BMX: variants seen among roughly 807,000 people sequenced by gnomAD.
BMX encodes cytoplasmic tyrosine-protein kinase BMX.
A neutral mutation model predicts 59.2 loss-of-function variants in BMX; 31 were observed. That is an observed-to-expected ratio of 0.52 (90% CI 0.39 to 0.71). BMX has a LOEUF of 0.71. BMX is among the 30% of genes least tolerant of loss of function. The probability of loss-of-function intolerance (pLI) is 0.00; values close to 1 mark genes in which losing one functional copy is unlikely to be tolerated. For missense variants in BMX, 474 were observed against 491.7 expected, an observed-to-expected ratio of 0.96 and a Z score of 0.34; for synonymous variants, 185 against 181.0, an observed-to-expected ratio of 1.02 and a Z score of -0.18.
At chrX:15,515,326 A>C (rs1468949081) in intron 4 of BMX, among the ~76,000 whole-genome samples, 8 of 110,431 alleles carry the variant, frequency 7.2e-5, no homozygotes, top group African/African-American at 2.3e-4. Context: ...AATAAAAATT[A>C]AAAAATTTTA....
intron 18 of BMX, among the ~76,000 whole-genome samples, chrX:15,554,394 T>C (rs1926331546): frequency 8.9e-6 from 1 of 111,831 alleles, no homozygotes; most frequent in Admixed American, 9.5e-5. Flanking sequence ...TTTTTAAGGG[T>C]CATTTTGTGT....
At chrX:15,547,481 A>G (rs1194316740) in intron 17 of BMX, among the ~76,000 whole-genome samples, 2 of 112,266 alleles carry the variant, frequency 1.8e-5, no homozygotes, top group East Asian at 5.6e-4. Flanking sequence ...AGTTTCAAGT[A>G]GTCTCCTCTC....
At chrX:15,527,582 C>T (rs1924857424) in intron 9 of BMX, among the ~76,000 whole-genome samples, 1 of 111,535 alleles carries the variant, frequency 9.0e-6, no homozygotes, top group Non-Finnish European at 1.9e-5. Context: ...CCAAATGGCA[C>T]AGAATTCACT....
chrX:15,542,510 A>G (rs1340867138), intron 15 of BMX, among the ~76,000 whole-genome samples: 1 of 111,070 alleles, frequency 9.0e-6, no homozygotes, highest in African/African-American at 3.3e-5. Context: ...ATTGACCTTC[A>G]TTTCAGGAAG....
intron 18 of BMX, among the ~76,000 whole-genome samples, chrX:15,554,397 T>G (rs190229697): frequency 8.9e-6 from 1 of 111,947 alleles, no homozygotes; most frequent in Non-Finnish European, 1.9e-5. Context: ...TTAAGGGTCA[T>G]TTTGTGTCTT....
At chrX:15,528,829 T>C (rs981757454) in intron 9 of BMX, among the ~76,000 whole-genome samples, 1 of 112,210 alleles carries the variant, frequency 8.9e-6, no homozygotes, top group Non-Finnish European at 1.9e-5. Flanking sequence ...TTATATCACC[T>C]TGCCTCTCCA....
rs1176711818 is a variant in BMX at position 15,537,252 on chromosome X, C to T, written c.1341C>T (p.Ile447=). ...KGQYDVAVKM[I]KEGSMSEDEF... is the part of the protein sequence containing the mutation. ...AGTATGATGTTGCTGTTAAGATGAT[C>T]AAGGAGGGCTCCATGTCAGAAGATG... Residue 447 remains isoleucine, a synonymous_variant, in exon 14 of 19, where the codon ATC becomes ATT. Coordinates refer to ENST00000348343, the MANE Select transcript of BMX (RefSeq NM_203281.3). 8.3e-7 allele frequency: 1 copy of T among 1,210,092 alleles called. No homozygotes were observed. The highest frequency in any genetic ancestry group is 2.3e-4 in the Middle Eastern group (1 of 4,337).
At chrX:15,507,238 C>T in intron 1 of BMX, 1 of 581,676 alleles carries the variant, frequency 1.7e-6, no homozygotes, top group Non-Finnish European at 2.1e-6. Flanking sequence ...TGTGTGGGTG[C>T]TTCCTGATCA....
intron 18 of BMX, among the ~76,000 whole-genome samples, chrX:15,550,446 A>T (rs1926139050): frequency 9.0e-6 from 1 of 110,724 alleles, no homozygotes; most frequent in Non-Finnish European, 1.9e-5. Context: ...CACGTAGAGA[A>T]CACATAATGG....
intron 11 of BMX, among the ~76,000 whole-genome samples, chrX:15,533,342 T>A (rs779614649): frequency 6.3e-5 from 7 of 111,695 alleles, no homozygotes; most frequent in Non-Finnish European, 1.1e-4. Context: ...TTCTCCCTCC[T>A]CCCACCCTCC....
intron 7 of BMX, among the ~76,000 whole-genome samples, chrX:15,524,829 G>A (rs911242376): frequency 8.9e-6 from 1 of 112,021 alleles, no homozygotes; most frequent in African/African-American, 3.2e-5. Context: ...ATGATCTATG[G>A]CAGAGGATGA....
chrX:15,553,397 C>G (rs1033200029), intron 18 of BMX, among the ~76,000 whole-genome samples: 1 of 111,706 alleles, frequency 9.0e-6, no homozygotes, highest in Non-Finnish European at 1.9e-5. Context: ...TGCTGTTTCG[C>G]TATTTGTCCT....
intron 7 of BMX, 33 bp from the exon 8 acceptor site, chrX:15,525,255 T>C: frequency 2.6e-6 from 3 of 1,173,085 alleles, no homozygotes; most frequent in Non-Finnish European, 3.5e-6. Flanking sequence ...TAGACATATG[T>C]TTATAAACTT....
In BMX at chrX:15,543,204, T is replaced by G. The variant is rs1037336388; in HGVS notation, c.1676+69T>G. ...ATTCACATTTGAACACCATCATAAT[T>G]GAAGGCTTTGTGGGGATATAGAAGG... On this transcript the variant is annotated intron_variant, in intron 16 of 18. Coordinates refer to ENST00000348343, the MANE Select transcript of BMX (RefSeq NM_203281.3). 7.6e-6 allele frequency: 8 copies of G among 1,053,820 alleles called. No homozygotes were observed. In the South Asian group the frequency reaches 1.6e-4, roughly 22 times the overall value. The allele number at this position is 1,053,820 out of a possible 1,213,427, so 86.8% of individuals were successfully genotyped here.
At chrX:15,511,344 A>G (rs1316845034) in intron 3 of BMX, 93 bp from the exon 4 acceptor site, 3 of 698,924 alleles carry the variant, frequency 4.3e-6, no homozygotes, top group Non-Finnish European at 6.4e-6. Flanking sequence ...AAGCAAACTC[A>G]AGGTTTCTTT....
rs866297850 is a variant in BMX, at chrX:15,527,301, C to T, written c.884+1206C>T. 9.0e-3 allele frequency among the ~76,000 whole-genome samples: 818 copies of T among 91,118 alleles called. 17 individuals carry two copies. The highest frequency in any genetic ancestry group is 0.033 in the African/African-American group (768 of 23,037). The allele number at this position is 91,118 out of a possible 115,157, so 79.1% of individuals were successfully genotyped here. A position where few individuals can be genotyped will look rare whatever the true frequency, so the allele number is the denominator to read the frequency against. Reference sequence around the variant, plus strand: ...ATATATATACACACACACACACACACATATATATATACCTGCTATGTACTC... The same window carrying T: ...ATATATATACACACACACACACACATATATATATATACCTGCTATGTACTC... On this transcript the variant is annotated intron_variant, in intron 9 of 18. Transcript: ENST00000348343.
At chrX:15,507,226 C>T in intron 1 of BMX, 1 of 490,077 alleles carries the variant, frequency 2.0e-6, no homozygotes, top group Non-Finnish European at 2.5e-6. Context: ...CAGAGCAATG[C>T]CTGTGTGGGT....
intron 6 of BMX, among the ~76,000 whole-genome samples, chrX:15,521,533 T>C (rs1199551855): frequency 8.9e-6 from 1 of 111,741 alleles, no homozygotes; most frequent in Admixed American, 9.5e-5. Flanking sequence ...CTAAAATGGG[T>C]CTGCACAGCT....
intron 10 of BMX, 95 bp downstream of exon 10, chrX:15,530,122 T>C (rs1480188147): frequency 1.2e-6 from 1 of 860,955 alleles, no homozygotes; most frequent in African/African-American, 2.0e-5. Context: ...TTCCTGCTAA[T>C]TATATAGTCA....
Sources: allele counts gnomAD v4.1 joint callset (sites outside exome capture counted in the v4.1 genomes callset), GRCh38; gene constraint gnomAD v4.1.1; transcripts MANE v1.5; gene names NCBI Gene and HGNC (gene_info 2026-07-23, HGNC 2026-07-21).